VGLL4: variants seen among roughly 807,000 people sequenced by gnomAD.
The protein encoded by VGLL4 is transcription cofactor vestigial-like protein 4.
In VGLL4, 7 loss-of-function variants were observed where a neutral mutation model predicts 21.0. The observed-to-expected ratio is 0.33, with a 90% CI of 0.19 to 0.63. The LOEUF is 0.63. VGLL4 is among the 20% of genes least tolerant of loss of function. The pLI, the probability that VGLL4 is intolerant of heterozygous loss-of-function variation, is 0.78. For missense variants in VGLL4, 394 were observed against 425.7 expected (o/e 0.93, Z 0.66); for synonymous variants, 222 against 173.2 (o/e 1.28, Z -2.21).
At chr3:11,595,845 G>GT (rs1247977778) in intron 2 of VGLL4, among the ~76,000 whole-genome samples, 1 of 2,628 alleles carries the variant, frequency 3.8e-4, no homozygotes, top group Non-Finnish European at 1.2e-3. Context: ...GTGGTGTGGG[G>GT]GGGGCGGGGA....
At chr3:11,687,750 G>A (rs970456469) in intron 2 of VGLL4, among the ~76,000 whole-genome samples, 4 of 152,018 alleles carry the variant, frequency 2.6e-5, no homozygotes, top group Non-Finnish European at 5.9e-5. Context: ...TTATTGTTAC[G>A]ATTTTCTGGT....
chr3:11,598,299 T>C (rs2074697301), intron 2 of VGLL4, among the ~76,000 whole-genome samples: 1 of 151,278 alleles, frequency 6.6e-6, no homozygotes, highest in South Asian at 2.1e-4. Context: ...AGTGCTAGGA[T>C]TACAGGCACG....
intron 2 of VGLL4, among the ~76,000 whole-genome samples, chr3:11,661,868 G>T (rs2076044398): frequency 6.6e-6 from 1 of 152,216 alleles, no homozygotes; most frequent in Admixed American, 6.5e-5. Context: ...GAGATTAAAA[G>T]ATAGCAAAGT....
chr3:11,632,776 C>T (rs1000082296), intron 1 of VGLL4, among the ~76,000 whole-genome samples: 4 of 152,174 alleles, frequency 2.6e-5, no homozygotes, highest in African/African-American at 9.7e-5. Flanking sequence ...ATCTGTCTCC[C>T]CTGCTAGAAC....
intron 2 of VGLL4, among the ~76,000 whole-genome samples, chr3:11,682,202 G>C (rs2076382701): frequency 6.6e-6 from 1 of 152,090 alleles, no homozygotes; most frequent in African/African-American, 2.4e-5. Flanking sequence ...TCAGGAGTTT[G>C]AGATCAGCCT....
chr3:11,632,401 C>T (rs1363380784), intron 1 of VGLL4, among the ~76,000 whole-genome samples: 1 of 152,152 alleles, frequency 6.6e-6, no homozygotes, highest in Non-Finnish European at 1.5e-5. Flanking sequence ...CGAACCATTT[C>T]ATCTTTCTTT....
At position 11,564,634 on chromosome 3, in the gene VGLL4, C is replaced by T. The variant is rs1016141815; in HGVS notation, c.495+163G>A. The T allele has an allele frequency of 2.8e-5, 23 of 821,942 alleles. No individual in the cohort carries two copies. In the African/African-American group the frequency reaches 3.0e-4, roughly 11 times the overall value. 50.9% of individuals were successfully genotyped at this position (821,942 alleles called of 1,614,324 possible). A position where few individuals can be genotyped will look rare whatever the true frequency, so the allele number is the denominator to read the frequency against. On this transcript the variant is annotated intron_variant, in intron 3 of 4. Transcript: ENST00000430365. ...ACTCCTGTTCTGCTGTCCCTTGTCC[C>T]AAGTGCACAACAGAGGCGAAGGGTG... is the stretch of plus-strand genomic sequence containing the variant.
intron 1 of VGLL4, chr3:11,710,618 A>G (rs1429121958): frequency 6.6e-6 from 1 of 152,266 alleles, no homozygotes; most frequent in African/African-American, 2.4e-5. Flanking sequence ...CAACTTCCAG[A>G]TGCACACAAT....
At position 11,558,712 on chromosome 3, in the gene VGLL4, G is replaced by A; in HGVS notation, c.735C>T (p.Asp245=). ...NSVSITGSVD[D]HFAKALGDTW... ...TGTCACCCAGAGCTTTGGCAAAGTGGTCGTCCACGGAGCCCGTGATGGACA... is the reference window on the plus strand; with the variant it reads ...TGTCACCCAGAGCTTTGGCAAAGTGATCGTCCACGGAGCCCGTGATGGACA... The change falls in exon 5 of 5, where the codon GAC becomes GAT. Residue 245 remains aspartate, a synonymous_variant. Coordinates refer to ENST00000430365, the MANE Select transcript of VGLL4 (RefSeq NM_001128219.3). 1 of 1,614,122 alleles carries A rather than the reference G, an allele frequency of 6.2e-7. No homozygotes were observed. Among genetic ancestry groups the A allele is most frequent in the Non-Finnish European group, 8.5e-7 (1 of 1,180,038 alleles).
rs557572586 is a variant in VGLL4, at chr3:11,568,240, G to A, written c.273-3221C>T. Among the ~76,000 whole-genome samples the A allele has an allele frequency of 2.6e-5, 4 of 152,198 alleles. No individual in the cohort carries two copies. The highest frequency in any genetic ancestry group is 6.5e-5 in the Admixed American group (1 of 15,278). ...GTACATAAGGCACTGCCCACCCCTC[G>A]CACCTTATGTCCTAGGGGCACGGCA... is the stretch of plus-strand genomic sequence containing the variant. On this transcript the variant is annotated intron_variant, in intron 2 of 4. Coordinates refer to ENST00000430365, the MANE Select transcript of VGLL4 (RefSeq NM_001128219.3). The surrounding 1 kb of genome is among the most constrained non-coding windows in gnomAD (Gnocchi z 5.9).
intron 2 of VGLL4, among the ~76,000 whole-genome samples, chr3:11,598,166 G>A (rs2074693070): frequency 6.6e-6 from 1 of 152,080 alleles, no homozygotes; most frequent in Non-Finnish European, 1.5e-5. Context: ...TGGGACTACA[G>A]GCGCACACCA....
intron 1 of VGLL4, among the ~76,000 whole-genome samples, chr3:11,627,872 A>G (rs897715648): frequency 6.6e-6 from 1 of 152,240 alleles, no homozygotes; most frequent in African/African-American, 2.4e-5. Flanking sequence ...CTTGCTAGGC[A>G]CTGACATTTT....
chr3:11,701,808 A>C (rs1439156082), intron 2 of VGLL4, among the ~76,000 whole-genome samples: 1 of 152,218 alleles, frequency 6.6e-6, no homozygotes, highest in Admixed American at 6.5e-5. Flanking sequence ...ACGTCAACCT[A>C]AATTTTTTTG....
chr3:11,637,405 A>G (rs1384405349), intron 1 of VGLL4, among the ~76,000 whole-genome samples: 1 of 152,198 alleles, frequency 6.6e-6, no homozygotes, highest in East Asian at 1.9e-4. Context: ...AGTTTTCTCT[A>G]ATCACTTACT....
chr3:11,697,551 T>A (rs1338180914), intron 2 of VGLL4, among the ~76,000 whole-genome samples: 1 of 151,946 alleles, frequency 6.6e-6, no homozygotes, highest in Non-Finnish European at 1.5e-5. Context: ...CCATAAGAGG[T>A]TCACTTGGCT....
At position 11,628,516 on chromosome 3, in the gene VGLL4, G is replaced by A. The variant is rs374544339; in HGVS notation, c.82+14921C>T. ...TTTCCCAAATATGAAAAATTAATAA[G>A]CATTTAAAAATTAATCAATCTCGGC... On this transcript the variant is annotated intron_variant, in intron 1 of 4. Coordinates refer to ENST00000430365, the MANE Select transcript of VGLL4 (RefSeq NM_001128219.3). Among the ~76,000 whole-genome samples, 32 of 152,110 alleles carry A rather than the reference G, an allele frequency of 2.1e-4. No homozygotes were observed. In the South Asian group the frequency reaches 5.4e-3, roughly 26 times the overall value.
intron 2 of VGLL4, among the ~76,000 whole-genome samples, chr3:11,692,101 T>G (rs781327458): frequency 2.6e-5 from 4 of 152,074 alleles, no homozygotes; most frequent in Admixed American, 6.6e-5. Flanking sequence ...AAGGAAAATA[T>G]GGATCTCTAA....
chr3:11,661,465 C>T (rs13066608), intron 2 of VGLL4, among the ~76,000 whole-genome samples: 443 of 37,786 alleles, frequency 0.012, 2 homozygotes, highest in African/African-American at 0.03. Context: ...ATTTATTTAT[C>T]TATTTATTTA....
chr3:11,567,289 CAG>C (rs1340304445), intron 2 of VGLL4, among the ~76,000 whole-genome samples: 3 of 152,164 alleles, frequency 2.0e-5, no homozygotes, highest in African/African-American at 7.2e-5. Flanking sequence ...GTGCAGCCCT[CAG>C]TGAGCGCCAA....
Sources: gnomAD v4.1 joint callset for allele counts (sites outside exome capture counted in the v4.1 genomes callset) on GRCh38, gnomAD v4.1.1 for gene constraint, Gnocchi (gnomAD v3.1) non-coding constraint, MANE v1.5 for transcripts, NCBI Gene and HGNC (gene_info 2026-07-23, HGNC 2026-07-21) for gene names.